The following FAM184B variants were observed in gnomAD, a reference collection of about 807,000 sequenced individuals.
FAM184B encodes family with sequence similarity 184 member B.
A neutral mutation model predicts 135.9 loss-of-function variants in FAM184B; 111 were observed. That is an observed-to-expected ratio of 0.82 (90% CI 0.70 to 0.96). The LOEUF (loss-of-function observed/expected upper bound fraction) is 0.96. FAM184B is among the 40% of genes least tolerant of loss of function. The pLI, the probability that FAM184B is intolerant of heterozygous loss-of-function variation, is 0.00. For missense variants in FAM184B, 1,375 were observed against 1,323.9 expected, an observed-to-expected ratio of 1.04 and a Z score of -0.60; for synonymous variants, 552 against 524.8, an observed-to-expected ratio of 1.05 and a Z score of -0.71.
intron 1 of FAM184B, among the ~76,000 whole-genome samples, chr4:17,780,223 A>AGG (rs1719008846): frequency 1.3e-5 from 2 of 152,130 alleles, no homozygotes; most frequent in Non-Finnish European, 2.9e-5. Context: ...GGGAAGTGAG[A>AGG]GGGAGATGGT....
intron 8 of FAM184B, among the ~76,000 whole-genome samples, chr4:17,663,459 AAAACC>A (rs1715964721): frequency 2.6e-5 from 4 of 152,158 alleles, no homozygotes; most frequent in Non-Finnish European, 4.4e-5. Context: ...CTATATCTAG[AAAACC>A]CATAGTTTTC....
intron 11 of FAM184B, among the ~76,000 whole-genome samples, chr4:17,650,857 G>T (rs1048161297): frequency 6.6e-6 from 1 of 152,104 alleles, no homozygotes; most frequent in African/African-American, 2.4e-5. Context: ...ACTTATGGAG[G>T]TAAAGAAAAT....
At chr4:17,705,968 C>T (rs1717107482) in intron 3 of FAM184B, 77 bp from the exon 4 acceptor site, 9 of 1,522,886 alleles carry the variant, frequency 5.9e-6, no homozygotes, top group Non-Finnish European at 8.0e-6. Context: ...GCTGTCAGGC[C>T]CCCGTTCCGC....
rs1181948894 is a variant in FAM184B at position 17,629,730 on chromosome 4, C to T, written c.*2802G>A. The T allele has an allele frequency of 6.6e-6, 1 of 152,180 alleles. No homozygotes were observed. The highest frequency in any genetic ancestry group is 1.5e-5 in the Non-Finnish European group (1 of 68,040). 9.4% of individuals were successfully genotyped at this position (152,180 alleles called of 1,614,324 possible). ...CGCCATCACTGTCATCTCTAGACCG[C>T]TCTGCTGTTGAGAGATTGATGGAAT... On this transcript the variant is annotated 3_prime_UTR_variant, in exon 18 of 18. Transcript: ENST00000265018.
chr4:17,690,163 A>G (rs1716699145), intron 6 of FAM184B, among the ~76,000 whole-genome samples: 1 of 152,162 alleles, frequency 6.6e-6, no homozygotes, highest in South Asian at 2.1e-4. Flanking sequence ...AAAAAAAAAA[A>G]GAATTTACAA....
chr4:17,635,739 A>T (rs966975120), intron 15 of FAM184B, among the ~76,000 whole-genome samples: 2 of 152,118 alleles, frequency 1.3e-5, no homozygotes, highest in African/African-American at 4.8e-5. Context: ...TTCCATATCA[A>T]TGTCACCTAA....
chr4:17,675,448 A>C (rs1329646499), intron 7 of FAM184B, among the ~76,000 whole-genome samples: 1 of 152,162 alleles, frequency 6.6e-6, no homozygotes, highest in Non-Finnish European at 1.5e-5. Context: ...AGTAGAGTAG[A>C]CTTCACACAA....
At chr4:17,764,973 G>C (rs532278147) in intron 1 of FAM184B, among the ~76,000 whole-genome samples, 2 of 152,222 alleles carry the variant, frequency 1.3e-5, no homozygotes, top group South Asian at 4.2e-4. Flanking sequence ...GGCTAAGGTG[G>C]GAGGATCACT....
intron 5 of FAM184B, among the ~76,000 whole-genome samples, chr4:17,696,396 G>C (rs1716859455): frequency 6.6e-6 from 1 of 152,114 alleles, no homozygotes; most frequent in African/African-American, 2.4e-5. Context: ...AGACTTGTAG[G>C]AAAACCCATG....
chr4:17,724,937 C>T (rs766301847), intron 1 of FAM184B, among the ~76,000 whole-genome samples: 61 of 152,106 alleles, frequency 4.0e-4, no homozygotes, highest in Non-Finnish European at 8.5e-4. Context: ...GGGCTGACTA[C>T]AAGACAGTCT....
intron 5 of FAM184B, among the ~76,000 whole-genome samples, chr4:17,694,172 G>C (rs1270592852): frequency 6.6e-6 from 1 of 151,992 alleles, no homozygotes; most frequent in Non-Finnish European, 1.5e-5. Flanking sequence ...CTACTCACTT[G>C]CTCCCTGCCA....
chr4:17,672,591 A>G (rs1716204118), intron 7 of FAM184B, among the ~76,000 whole-genome samples: 1 of 152,088 alleles, frequency 6.6e-6, no homozygotes, highest in Non-Finnish European at 1.5e-5. Flanking sequence ...TCATAAAGGG[A>G]TGCTGGATTT....
At chr4:17,777,590 T>A (rs1044766412) in intron 1 of FAM184B, among the ~76,000 whole-genome samples, 1 of 151,974 alleles carries the variant, frequency 6.6e-6, no homozygotes. Flanking sequence ...ACTTAATAGA[T>A]GGGAAAAACT....
intron 13 of FAM184B, among the ~76,000 whole-genome samples, chr4:17,640,873 A>G (rs1487826494): frequency 6.6e-6 from 1 of 152,202 alleles, no homozygotes; most frequent in Non-Finnish European, 1.5e-5. Context: ...GGGACATGCC[A>G]AGCCTCCTGC....
chr4:17,662,390 T>G (rs1577251818), intron 8 of FAM184B, among the ~76,000 whole-genome samples: 2 of 151,974 alleles, frequency 1.3e-5, no homozygotes, highest in East Asian at 1.9e-4. Flanking sequence ...CAGGCTGGAG[T>G]GCAGTGGCAC....
intron 7 of FAM184B, among the ~76,000 whole-genome samples, chr4:17,684,788 C>A (rs1716539517): frequency 6.6e-6 from 1 of 152,150 alleles, no homozygotes. Context: ...ATGAAATCAA[C>A]CCAAATGCCC....
chr4:17,688,092 C>T lies in FAM184B; in HGVS notation c.1596+332G>A, dbSNP rs114509211. ...AAGAGAGGGGCTTTTATGACTACTA[C>T]TGGGGTTCGTGCTGGGCAGAATCAA... On this transcript the variant is annotated intron_variant, in intron 7 of 17. Coordinates refer to ENST00000265018, the MANE Select transcript of FAM184B (RefSeq NM_015688.2). Among the ~76,000 whole-genome samples, 901 of 152,242 alleles carry T rather than the reference C, an allele frequency of 5.9e-3. 6 individuals are homozygous for T. The highest frequency in any genetic ancestry group is 0.021 in the African/African-American group (870 of 41,542).
At chr4:17,714,593 C>G (rs1433421822) in intron 1 of FAM184B, among the ~76,000 whole-genome samples, 1 of 152,062 alleles carries the variant, frequency 6.6e-6, no homozygotes, top group East Asian at 1.9e-4. Context: ...TGTTTGGGGT[C>G]CCTGAGACTA....
At chr4:17,682,327 C>A (rs1439447722) in intron 7 of FAM184B, among the ~76,000 whole-genome samples, 1 of 152,022 alleles carries the variant, frequency 6.6e-6, no homozygotes, top group Non-Finnish European at 1.5e-5. Context: ...AGGGAGAGAC[C>A]AGGATTAAAG....
Sources: allele counts gnomAD v4.1 joint callset (sites outside exome capture counted in the v4.1 genomes callset), GRCh38; gene constraint gnomAD v4.1.1; transcripts MANE v1.5; gene names NCBI Gene and HGNC (gene_info 2026-07-23, HGNC 2026-07-21).